The following RBFOX2 variants were observed in gnomAD, a reference collection of about 807,000 sequenced individuals.
RBFOX2 encodes the protein RNA binding fox-1 homolog 2.
A neutral mutation model predicts 49.1 loss-of-function variants in RBFOX2; 10 were observed. The observed-to-expected ratio is 0.20, with a 90% CI of 0.13 to 0.35. The LOEUF (loss-of-function observed/expected upper bound fraction) is 0.35, where lower values mean the gene tolerates loss of function less well. RBFOX2 is among the 10% of genes least tolerant of loss of function. RBFOX2 has a pLI of 1.00. For synonymous variants in RBFOX2, 183 were observed against 187.4 expected (o/e 0.98, Z 0.19); for missense variants, 323 against 486.9 (o/e 0.66, Z 3.17).
intron 1 of RBFOX2, among the ~76,000 whole-genome samples, chr22:35,859,016 T>G (rs930117318): frequency 3.9e-5 from 6 of 152,242 alleles, no homozygotes; most frequent in African/African-American, 1.4e-4. Context: ...TCTTCAACAT[T>G]GCATGAAGGC....
intron 1 of RBFOX2, among the ~76,000 whole-genome samples, chr22:35,816,498 A>C (rs1953082505): frequency 6.6e-6 from 1 of 152,192 alleles, no homozygotes. Context: ...CTCTTTTACA[A>C]TACATCTGAA....
At chr22:35,826,044 G>C (rs1955643380) in intron 1 of RBFOX2, among the ~76,000 whole-genome samples, 1 of 122,110 alleles carries the variant, frequency 8.2e-6, no homozygotes, top group Non-Finnish European at 1.7e-5. Context: ...CTTTGCTTTT[G>C]GCAAAAAAAA....
chr22:35,777,441 T>G (rs889241413), intron 4 of RBFOX2, among the ~76,000 whole-genome samples: 1 of 152,238 alleles, frequency 6.6e-6, no homozygotes, highest in East Asian at 1.9e-4. Context: ...TCACTGTATT[T>G]GTGATTTAGG....
rs200061222 is a variant in RBFOX2 at position 35,970,664 on chromosome 22, T to TA, written c.187-31768dup. On this transcript the variant is annotated intron_variant, in intron 1 of 13. Coordinates refer to the RBFOX2 transcript ENST00000438146. The stretch of plus-strand genomic sequence containing the variant: ...CAACACAACAGAGTGAGACCCTATC[T>TA]AAAAAAACAAGAAGAAGAAATGTGA... 3.2e-3 allele frequency among the ~76,000 whole-genome samples: 481 copies of TA among 151,866 alleles called. 3 individuals carry two copies. Among genetic ancestry groups the TA allele is most frequent in the Non-Finnish European group, 3.9e-3 (263 of 67,966 alleles).
chr22:35,927,072 T>G (rs2051733952), intron 1 of RBFOX2, among the ~76,000 whole-genome samples: 1 of 152,210 alleles, frequency 6.6e-6, no homozygotes. Context: ...GTCCTCGCAG[T>G]ATTTCCCAAA....
Position 35,759,864 on chromosome 22 carries a change from C to A in RBFOX2, c.887+24G>T. On this transcript the variant is annotated intron_variant, in intron 9 of 11. Coordinates refer to ENST00000405409, the Ensembl canonical transcript of RBFOX2. The surrounding 1 kb of genome is among the most constrained non-coding windows in gnomAD (Gnocchi z 4.6). ...TCCAACTGCTTATTTTAGAAACATA[C>A]TGATTTTGGAATCTAACGCTTACCC... 1 of 1,611,884 alleles carries A rather than the reference C, an allele frequency of 6.2e-7. No homozygotes were observed. Among genetic ancestry groups the A allele is most frequent in the East Asian group, 2.2e-5 (1 of 44,832 alleles).
chr22:36,022,110 T>C (rs1459887062), intron 1 of RBFOX2, among the ~76,000 whole-genome samples: 2 of 152,230 alleles, frequency 1.3e-5, no homozygotes, highest in Non-Finnish European at 1.5e-5. Flanking sequence ...TACAAATGTA[T>C]ATCAACAAAA....
chr22:35,760,742 A>C (rs1938516513), intron 8 of RBFOX2, among the ~76,000 whole-genome samples: 1 of 152,192 alleles, frequency 6.6e-6, no homozygotes, highest in African/African-American at 2.4e-5. Context: ...TTCCATGTCC[A>C]CTGAATCCTG....
At chr22:35,939,236 C>T (rs1265401643), upstream of RBFOX2, 4 of 501,662 alleles carry the variant, frequency 8.0e-6, no homozygotes, top group African/African-American at 1.9e-5. Flanking sequence ...ACTTCAGCAT[C>T]CCCAGCCCCA....
At chr22:35,884,155 C>T (rs1039057268) in intron 1 of RBFOX2, among the ~76,000 whole-genome samples, 3 of 151,840 alleles carry the variant, frequency 2.0e-5, no homozygotes, top group South Asian at 2.1e-4. Flanking sequence ...CACCACCTTG[C>T]CCAGCTAATT....
chr22:35,998,032 A>G (rs541633019), intron 1 of RBFOX2: 1 of 152,152 alleles, frequency 6.6e-6, no homozygotes, highest in African/African-American at 2.4e-5. Context: ...TCTTTGTTAA[A>G]AAGATGTAAA....
chr22:35,901,431 T>C (rs2048560466), intron 1 of RBFOX2, among the ~76,000 whole-genome samples: 1 of 152,144 alleles, frequency 6.6e-6, no homozygotes, highest in South Asian at 2.1e-4. Flanking sequence ...GAGGGTTTGC[T>C]TGAGCTCAGG....
At chr22:35,857,109 TAGGTGGTG>T (rs1201512069) in intron 1 of RBFOX2, among the ~76,000 whole-genome samples, 1 of 152,056 alleles carries the variant, frequency 6.6e-6, no homozygotes, top group African/African-American at 2.4e-5. Flanking sequence ...TGACTATGGG[TAGGTGGTG>T]GCAAATGACA....
intron 1 of RBFOX2, among the ~76,000 whole-genome samples, chr22:35,871,569 C>G (rs2044356924): frequency 6.6e-6 from 1 of 152,208 alleles, no homozygotes; most frequent in African/African-American, 2.4e-5. Context: ...ATCAGACTAG[C>G]TTAATCTGAG....
chr22:35,781,744 C>A (rs994900704), exon 3 of RBFOX2: 4 of 1,614,034 alleles, frequency 2.5e-6, no homozygotes, highest in South Asian at 1.1e-5. Flanking sequence ...CACCTTCTGT[C>A]TGCTAAGCAA....
At chr22:35,832,466 G>A (rs1489243156) in intron 1 of RBFOX2, among the ~76,000 whole-genome samples, 2 of 152,202 alleles carry the variant, frequency 1.3e-5, no homozygotes, top group African/African-American at 4.8e-5. Context: ...CATAACTGTA[G>A]AATGTTTAGC....
exon 1 of RBFOX2, chr22:36,028,261 GGCC>G: frequency 6.5e-7 from 1 of 1,530,556 alleles, no homozygotes; most frequent in African/African-American, 1.4e-5. Flanking sequence ...CGCCACCGTC[GGCC>G]GCCGCCTCCT....
At chr22:35,815,684 C>A (rs1395635601) in intron 1 of RBFOX2, among the ~76,000 whole-genome samples, 1 of 152,146 alleles carries the variant, frequency 6.6e-6, no homozygotes, top group Non-Finnish European at 1.5e-5. Flanking sequence ...ATAAAAGAAT[C>A]ACTTCATTAT....
chr22:35,817,116 C>T (rs982595692), intron 1 of RBFOX2, among the ~76,000 whole-genome samples: 1 of 152,084 alleles, frequency 6.6e-6, no homozygotes. Context: ...ATTATGGTTA[C>T]AGCATGCCTC....
Sources: gnomAD v4.1 joint callset for allele counts (sites outside exome capture counted in the v4.1 genomes callset) on GRCh38, gnomAD v4.1.1 for gene constraint, Gnocchi (gnomAD v3.1) non-coding constraint, MANE v1.5 for transcripts, NCBI Gene and HGNC (gene_info 2026-07-23, HGNC 2026-07-21) for gene names.